The following MTMR12 variants were observed in gnomAD, a reference collection of about 807,000 sequenced individuals.
MTMR12 encodes myotubularin related protein 12.
MTMR12 carries 33 observed loss-of-function variants against 96.7 expected under a neutral mutation model. That is an observed-to-expected ratio of 0.34 (90% confidence interval 0.26 to 0.46). The LOEUF (loss-of-function observed/expected upper bound fraction) is 0.46. Ranked by LOEUF, MTMR12 falls within the 20% of genes least tolerant of loss-of-function variation. MTMR12 has a pLI of 1.00. For synonymous variants in MTMR12, 298 were observed against 327.2 expected (o/e 0.91, Z 0.96); for missense variants, 721 against 896.1 (o/e 0.80, Z 2.49).
intron 7 of MTMR12, among the ~76,000 whole-genome samples, chr5:32,261,542 G>A (rs543268607): frequency 6.6e-6 from 1 of 152,176 alleles, no homozygotes; most frequent in South Asian, 2.1e-4. Flanking sequence ...ATCACCTCCA[G>A]CACTCCCTAA....
At chr5:32,250,309 G>C (rs1218234121) in intron 8 of MTMR12, among the ~76,000 whole-genome samples, 1 of 152,152 alleles carries the variant, frequency 6.6e-6, no homozygotes, top group African/African-American at 2.4e-5. Context: ...CTGCAGTGGG[G>C]GAGCTGATGA....
chr5:32,260,743 A>G (rs57259374), intron 7 of MTMR12, among the ~76,000 whole-genome samples: 66,562 of 149,544 alleles, frequency 0.45, 16,391 homozygotes, highest in African/African-American at 0.62. Flanking sequence ...GGGGAGGGGG[A>G]CCAGTGGCAG....
intron 1 of MTMR12, among the ~76,000 whole-genome samples, chr5:32,295,646 G>A (rs1225684008): frequency 6.6e-6 from 1 of 152,170 alleles, no homozygotes; most frequent in Non-Finnish European, 1.5e-5. Flanking sequence ...TGTCATAGGA[G>A]TTTACTATGT....
At chr5:32,264,971 CAA>C (rs759393962) in intron 6 of MTMR12, among the ~76,000 whole-genome samples, 19 of 141,150 alleles carry the variant, frequency 1.3e-4, no homozygotes, top group African/African-American at 4.1e-4. Context: ...CAAACCCCAC[CAA>C]AAAAAAAAAA....
At chr5:32,240,759 C>T (rs1380345549) in intron 12 of MTMR12, among the ~76,000 whole-genome samples, 2 of 152,092 alleles carry the variant, frequency 1.3e-5, no homozygotes, top group African/African-American at 4.8e-5. Context: ...CAGGACCAAG[C>T]CCGACTAATT....
intron 10 of MTMR12, among the ~76,000 whole-genome samples, chr5:32,245,837 A>G (rs1469289506): frequency 6.8e-6 from 1 of 147,458 alleles, no homozygotes; most frequent in Non-Finnish European, 1.5e-5. Flanking sequence ...CAGAAAAAAA[A>G]AAACCTCTCA....
chr5:32,273,427 A>G (rs1271424425), intron 3 of MTMR12, among the ~76,000 whole-genome samples: 2 of 152,202 alleles, frequency 1.3e-5, no homozygotes, highest in African/African-American at 4.8e-5. Flanking sequence ...ACCCAAATTC[A>G]AAGGCTGCAT....
Position 32,240,166 on chromosome 5 carries a change from C to T in MTMR12, c.1172-993G>A, listed in dbSNP as rs903052362. 3.3e-5 allele frequency among the ~76,000 whole-genome samples: 5 copies of T among 152,050 alleles called. No homozygotes were observed. The South Asian group carries it at 8.3e-4, about 25-fold the overall frequency. ...CTGTAATCCCAGCACTTTGGGAGGC[C>T]GAGGCGGGTGGATCACGATGTCAGG... is the stretch of plus-strand genomic sequence containing the variant. On this transcript the variant is annotated intron_variant, in intron 12 of 15. Coordinates refer to ENST00000382142, the MANE Select transcript of MTMR12 (RefSeq NM_001040446.3).
At chr5:32,275,446 GA>G (rs1750012245) in intron 2 of MTMR12, among the ~76,000 whole-genome samples, 1 of 152,186 alleles carries the variant, frequency 6.6e-6, no homozygotes, top group Non-Finnish European at 1.5e-5. Context: ...CTCTCCCCAA[GA>G]CCAGGCCAGC....
intron 8 of MTMR12, among the ~76,000 whole-genome samples, chr5:32,249,210 C>T (rs563839457): frequency 9.9e-5 from 15 of 152,208 alleles, no homozygotes; most frequent in Admixed American, 5.9e-4. Context: ...TATTACATGT[C>T]AGGTATTTTA....
At chr5:32,234,764 TTTAA>T (rs1463532689) in intron 14 of MTMR12, 194 bp downstream of exon 14, 1 of 471,758 alleles carries the variant, frequency 2.1e-6, no homozygotes, top group Non-Finnish European at 3.7e-6. Flanking sequence ...CAATATCTTT[TTTAA>T]AATATGGAAC....
At position 32,274,099 on chromosome 5, in the gene MTMR12, TG is replaced by T; in HGVS notation, c.165del (p.Ser56AlafsTer4). ...LLPGEQLLCEASTVLKYVQED... is the reference protein window; with the variant it reads ...LLPGEQLLCEXSTVLKYVQED... ...TCCTGGACATACTTCAGTACTGTGC[TG>T]GCTTCACAAAGCAGCTGTTCACCTG... On this transcript the variant is annotated frameshift_variant, in exon 3 of 16. Transcript: ENST00000382142. LOFTEE classifies it high-confidence loss of function. The T allele has an allele frequency of 6.2e-7, 1 of 1,614,232 alleles. No homozygotes were observed. The highest frequency in any genetic ancestry group is 8.5e-7 in the Non-Finnish European group (1 of 1,180,034).
intron 7 of MTMR12, among the ~76,000 whole-genome samples, chr5:32,258,936 A>ATGTATT (rs1749247638): frequency 1.3e-5 from 2 of 151,176 alleles, no homozygotes; most frequent in African/African-American, 4.9e-5. Flanking sequence ...TCAGAACCAA[A>ATGTATT]TGTATTGGCA....
intron 1 of MTMR12, among the ~76,000 whole-genome samples, chr5:32,280,744 C>T (rs1317245736): frequency 1.3e-5 from 2 of 152,174 alleles, no homozygotes. Context: ...TTGGTCTTGT[C>T]ATTTAAACTG....
At chr5:32,235,273 C>T (rs906237821) in intron 13 of MTMR12, 144 bp from the exon 14 acceptor site, 88 of 655,068 alleles carry the variant, frequency 1.3e-4, no homozygotes, top group Middle Eastern at 4.2e-4. Flanking sequence ...TCCATACCAT[C>T]CCAAGTGAGA....
chr5:32,252,839 TAAC>T (rs1488654063), intron 8 of MTMR12, among the ~76,000 whole-genome samples: 3 of 152,206 alleles, frequency 2.0e-5, no homozygotes, highest in African/African-American at 7.2e-5. Flanking sequence ...TCTTATCTCT[TAAC>T]AACAAAAATA....
chr5:32,292,909 TTTG>T (rs1267886447), intron 1 of MTMR12, among the ~76,000 whole-genome samples: 4 of 151,126 alleles, frequency 2.6e-5, no homozygotes, highest in Non-Finnish European at 5.9e-5. Context: ...TCCTCCTTCT[TTTG>T]TTAAAAACAT....
At chr5:32,301,386 T>C (rs931919702) in intron 1 of MTMR12, among the ~76,000 whole-genome samples, 3 of 152,170 alleles carry the variant, frequency 2.0e-5, no homozygotes, top group Non-Finnish European at 4.4e-5. Context: ...ACTGACCCCC[T>C]AGGGAAAGTG....
At chr5:32,272,292 AAAATAAAT>A (rs577379477) in intron 3 of MTMR12, among the ~76,000 whole-genome samples, 6 of 152,120 alleles carry the variant, frequency 3.9e-5, no homozygotes, top group East Asian at 1.9e-4. Context: ...CTCTGTCTCA[AAAATAAAT>A]AAATAAATAA....
Sources: gnomAD v4.1 joint callset for allele counts (sites outside exome capture counted in the v4.1 genomes callset) on GRCh38, gnomAD v4.1.1 for gene constraint, MANE v1.5 for transcripts, NCBI Gene and HGNC (gene_info 2026-07-23, HGNC 2026-07-21) for gene names.